Variants in NLGN3 observed in about 807,000 individuals in gnomAD.
NLGN3 encodes neuroligin-3.
In NLGN3, 11 loss-of-function variants were observed where a neutral mutation model predicts 42.9. The observed-to-expected ratio is 0.26, with a 90% CI of 0.16 to 0.42. NLGN3 has a LOEUF of 0.42. Ranked by LOEUF, NLGN3 falls within the 10% of genes least tolerant of loss-of-function variation. The pLI is 1.00. For synonymous variants in NLGN3, 279 were observed against 312.7 expected (o/e 0.89, Z 1.14); for missense variants, 374 against 733.8 (o/e 0.51, Z 5.67).
chrX:71,168,870 AG>A (rs1264926547), intron 7 of NLGN3, among the ~76,000 whole-genome samples: 1,311 of 56,930 alleles, frequency 0.023, 48 homozygotes, highest in African/African-American at 0.2. Context: ...AGAAAGAAAG[AG>A]AAAGAAAAGA....
chrX:71,155,405 G>T, intron 5 of NLGN3, 42 bp downstream of exon 5: 1 of 1,194,755 alleles, frequency 8.4e-7, no homozygotes. Context: ...GACTGGCTTC[G>T]CAAGGGGGGA....
chrX:71,164,358 T>C (rs761169921), intron 6 of NLGN3, 30 bp downstream of exon 6: 1 of 1,192,948 alleles, frequency 8.4e-7, no homozygotes, highest in African/African-American at 1.7e-5. Flanking sequence ...AAACATGAAC[T>C]AGCCAAGTGC....
chrX:71,145,395 C>T (rs2092362855), intron 1 of NLGN3, among the ~76,000 whole-genome samples: 2 of 100,386 alleles, frequency 2.0e-5, no homozygotes, highest in Non-Finnish European at 4.1e-5. Flanking sequence ...TATCCTCCCC[C>T]ATTCCAGTGC....
intron 6 of NLGN3, among the ~76,000 whole-genome samples, chrX:71,164,996 C>T (rs2092442235): frequency 9.0e-6 from 1 of 111,705 alleles, no homozygotes; most frequent in Admixed American, 9.5e-5. Flanking sequence ...GTTTTCTCCA[C>T]CTCTGGACTA....
intron 1 of NLGN3, among the ~76,000 whole-genome samples, 162 bp from the exon 2 acceptor site, chrX:71,147,388 T>C (rs943037144): frequency 2.7e-5 from 3 of 112,127 alleles, no homozygotes; most frequent in African/African-American, 6.5e-5. Flanking sequence ...ATGGTTCTGA[T>C]TGGCAGTGGA....
At chrX:71,146,627 GCT>G (rs2092371703) in intron 1 of NLGN3, among the ~76,000 whole-genome samples, 1 of 111,380 alleles carries the variant, frequency 9.0e-6, no homozygotes, top group South Asian at 3.8e-4. Flanking sequence ...TGTGTGAGGT[GCT>G]CTGTCTCAGA....
At position 71,170,182 on chromosome X, in the gene NLGN3, GAC is replaced by G. The variant is rs760166426; in HGVS notation, c.*103_*104del. 2.3e-3 allele frequency: 2,009 copies of G among 872,573 alleles called. 1 individual carries two copies. Among genetic ancestry groups the G allele is most frequent in the Admixed American group, 7.0e-3 (213 of 30,273 alleles). 71.9% of individuals were successfully genotyped at this position (872,573 alleles called of 1,213,427 possible). A position where few individuals can be genotyped will look rare whatever the true frequency, so the allele number is the denominator to read the frequency against. ...GCACACACACACACACACACACGCAGACACACACACACACACACATATATGTA... is the reference window on the plus strand; with the variant it reads ...GCACACACACACACACACACACGCAGACACACACACACACACATATATGTA... On this transcript the variant is annotated 3_prime_UTR_variant, in exon 8 of 8. Coordinates refer to ENST00000358741, the MANE Select transcript of NLGN3 (RefSeq NM_181303.2).
intron 3 of NLGN3, among the ~76,000 whole-genome samples, chrX:71,149,707 G>T (rs1395396476): frequency 9.0e-6 from 1 of 111,206 alleles, no homozygotes; most frequent in Non-Finnish European, 1.9e-5. Context: ...TGCTGCTCAA[G>T]GCCCCTGTCG....
rs1033107500 is a variant in NLGN3, at chrX:71,170,822, C to T, written c.*725C>T. On this transcript the variant is annotated 3_prime_UTR_variant, in exon 8 of 8. Coordinates refer to ENST00000358741, the MANE Select transcript of NLGN3 (RefSeq NM_181303.2). ...AGAGATCTCCAACTCTCTCTGTGTC[C>T]GTGTGGAGGGCTGCAGAGCCTGCAG... 1.5e-4 allele frequency: 112 copies of T among 754,432 alleles called. No individual in the cohort carries two copies. Among genetic ancestry groups the T allele is most frequent in the East Asian group, 7.6e-4 (5 of 6,556 alleles). The allele number at this position is 754,432 out of a possible 1,213,427, so 62.2% of individuals were successfully genotyped here. A position where few individuals can be genotyped will look rare whatever the true frequency, so the allele number is the denominator to read the frequency against.
In NLGN3 at chrX:71,159,964, G is replaced by C. The variant is rs754149024; in HGVS notation, c.728-4179G>C. On this transcript the variant is annotated intron_variant, in intron 5 of 7. Coordinates refer to ENST00000358741, the MANE Select transcript of NLGN3 (RefSeq NM_181303.2). Reference sequence around the variant, plus strand: ...TTGGCCAGGCTGGTCTCGAACTCCCGATCTCAGGTGATCCGCCCTCCTCAG... The same window carrying C: ...TTGGCCAGGCTGGTCTCGAACTCCCCATCTCAGGTGATCCGCCCTCCTCAG... 4.3e-4 allele frequency among the ~76,000 whole-genome samples: 41 copies of C among 96,307 alleles called. No homozygotes were observed. In the East Asian group the frequency reaches 0.011, roughly 27 times the overall value. The allele number at this position is 96,307 out of a possible 115,157, so 83.6% of individuals were successfully genotyped here.
chrX:71,159,001 T>TGC lies in NLGN3; in HGVS notation c.727+3639_727+3640dup, dbSNP rs2092419786. On this transcript the variant is annotated intron_variant, in intron 5 of 7. Transcript: ENST00000358741. Reference sequence around the variant, plus strand: ...CTGGAACAATGCACACATGCGTGTGTGCACACACATGCATGTGCGCACACA... The same window carrying TGC: ...CTGGAACAATGCACACATGCGTGTGTGCGCACACACATGCATGTGCGCACACA... Among the ~76,000 whole-genome samples, 12 of 110,904 alleles carry TGC rather than the reference T, an allele frequency of 1.1e-4. No individual in the cohort carries two copies. The South Asian group carries it at 4.6e-3, about 42-fold the overall frequency.
chrX:71,156,858 C>T (rs968819326), intron 5 of NLGN3, among the ~76,000 whole-genome samples: 8 of 111,952 alleles, frequency 7.1e-5, no homozygotes, highest in African/African-American at 2.3e-4. Context: ...CCCGCATTCT[C>T]TGCTGTGCAC....
At chrX:71,158,118 C>T (rs969961340) in intron 5 of NLGN3, among the ~76,000 whole-genome samples, 1 of 109,456 alleles carries the variant, frequency 9.1e-6, no homozygotes, top group Non-Finnish European at 1.9e-5. Flanking sequence ...CACTCTGTCA[C>T]CCAGGCTGGA....
chrX:71,174,383 G>A (rs987581023), downstream of NLGN3, among the ~76,000 whole-genome samples: 30 of 111,960 alleles, frequency 2.7e-4, no homozygotes, highest in African/African-American at 3.3e-4. Flanking sequence ...GCAGCCTAGA[G>A]ATGGGTAAAC....
intron 7 of NLGN3, among the ~76,000 whole-genome samples, chrX:71,168,825 GAAAGAAAGAAAGAA>G (rs1569485660): frequency 2.9e-4 from 11 of 37,927 alleles, no homozygotes; most frequent in African/African-American, 1.4e-3. Context: ...AAAAAAAAAA[GAAAGAAAGAAAGAA>G]AGAAAGAAAG....
At chrX:71,151,612 C>A (rs757649311) in intron 3 of NLGN3, among the ~76,000 whole-genome samples, 1 of 112,077 alleles carries the variant, frequency 8.9e-6, no homozygotes, top group Non-Finnish European at 1.9e-5. Flanking sequence ...AGAGGCATGG[C>A]GGCTAGGAGC....
rs2092405142 is a variant in NLGN3 at position 71,155,376 on chromosome X, G to T, written c.727+13G>T. ...GTTGGAGTGCTAGGTATGGTTCCCT[G>T]CCTGGTGCCTGGAAGGAAGACTGGC... On this transcript the variant is annotated intron_variant, in intron 5 of 7. Coordinates refer to ENST00000358741, the MANE Select transcript of NLGN3 (RefSeq NM_181303.2). The T allele has an allele frequency of 8.3e-7, 1 of 1,209,827 alleles. No homozygotes were observed. The highest frequency in any genetic ancestry group is 1.7e-5 in the African/African-American group (1 of 57,386).
chrX:71,174,928 G>C (rs750731489), downstream of NLGN3, among the ~76,000 whole-genome samples: 1 of 112,021 alleles, frequency 8.9e-6, no homozygotes, highest in Admixed American at 9.5e-5. Context: ...TTTGGTTGCT[G>C]TAAAAAGTAT....
rs1602317910 is a variant in NLGN3 at position 71,153,484 on chromosome X, C to T, written c.525C>T (p.Gly175=). The change falls in exon 4 of 8, where the codon GGC becomes GGT. Residue 175 remains glycine, a synonymous_variant. Transcript: ENST00000358741. ...CCCGTGTCTGGTCCCCAGGATCCGG[C>T]GCTAAGAAACAGGGCGAGGACTTAG... is the stretch of plus-strand genomic sequence containing the variant. ...NKKICRKGGS[G]AKKQGEDLAD... is the part of the protein sequence containing the mutation. 2 of 1,208,180 alleles carry T rather than the reference C, an allele frequency of 1.7e-6. No homozygotes were observed. Among genetic ancestry groups the T allele is most frequent in the Non-Finnish European group, 2.2e-6 (2 of 893,322 alleles).
Sources: allele counts gnomAD v4.1 joint callset (sites outside exome capture counted in the v4.1 genomes callset), GRCh38; gene constraint gnomAD v4.1.1; transcripts MANE v1.5; gene names NCBI Gene and HGNC (gene_info 2026-07-23, HGNC 2026-07-21).